TMEM64: variants seen among roughly 807,000 people sequenced by gnomAD.
TMEM64 encodes transmembrane protein 64.
TMEM64 carries 19 observed loss-of-function variants against 24.5 expected under a neutral mutation model. The observed-to-expected ratio is 0.78, with a 90% CI of 0.54 to 1.14. The LOEUF (loss-of-function observed/expected upper bound fraction) is 1.14, where lower values mean the gene tolerates loss of function less well. Ranked by LOEUF, TMEM64 falls within the 50% of genes most tolerant of loss-of-function variation. The pLI is 0.00. For missense variants in TMEM64, 487 were observed against 493.0 expected (o/e 0.99, Z 0.12); for synonymous variants, 262 against 224.7 (o/e 1.17, Z -1.49).
chr8:90,629,633 T>C (rs917460887), intron 2 of TMEM64, among the ~76,000 whole-genome samples: 7 of 152,110 alleles, frequency 4.6e-5, no homozygotes, highest in African/African-American at 1.7e-4. Context: ...ATATAATGCA[T>C]AGAAAGTTTA....
intron 1 of TMEM64, among the ~76,000 whole-genome samples, chr8:90,633,026 T>TG (rs1809463331): frequency 6.6e-6 from 1 of 152,212 alleles, no homozygotes; most frequent in African/African-American, 2.4e-5. Context: ...TTAACCTCTG[T>TG]GGTAGGCAAC....
intron 2 of TMEM64, among the ~76,000 whole-genome samples, chr8:90,630,257 T>C (rs1263902691): frequency 1.3e-5 from 2 of 152,228 alleles, no homozygotes; most frequent in African/African-American, 4.8e-5. Context: ...ATATTACTTA[T>C]AATACCTAAT....
Position 90,622,042 on chromosome 8 carries a change from G to C in TMEM64, c.*3629C>G, listed in dbSNP as rs977061139. The C allele has an allele frequency of 3.3e-5, 5 of 152,078 alleles. No homozygotes were observed. The highest frequency in any genetic ancestry group is 2.9e-5 in the Non-Finnish European group (2 of 68,014). 9.4% of individuals were successfully genotyped at this position (152,078 alleles called of 1,614,324 possible). A position where few individuals can be genotyped will look rare whatever the true frequency, so the allele number is the denominator to read the frequency against. On this transcript the variant is annotated 3_prime_UTR_variant, in exon 3 of 3. Transcript: ENST00000458549. Reference sequence around the variant, plus strand: ...TTTTCTCAGGCACACAAGTGATTTGGATACCAATTATCAAGACATTTTACT... The same window carrying C: ...TTTTCTCAGGCACACAAGTGATTTGCATACCAATTATCAAGACATTTTACT...
intron 1 of TMEM64, among the ~76,000 whole-genome samples, chr8:90,636,341 C>G (rs1189050383): frequency 6.6e-6 from 1 of 152,180 alleles, no homozygotes; most frequent in East Asian, 1.9e-4. Context: ...CTGCAACCTC[C>G]GCCTCCCAGG....
rs1331192583 is a variant in TMEM64 at position 90,623,027 on chromosome 8, A to G, written c.*2644T>C. ...TTTTTTTTAAAGGTGCTATTGTAAA[A>G]TAACCTACATGACAAAATTTGGCAA... On this transcript the variant is annotated 3_prime_UTR_variant, in exon 3 of 3. Transcript: ENST00000458549. 6.6e-6 allele frequency: 1 copy of G among 152,210 alleles called. No homozygotes were observed. Among genetic ancestry groups the G allele is most frequent in the African/African-American group, 2.4e-5 (1 of 41,474 alleles). 9.4% of individuals were successfully genotyped at this position (152,210 alleles called of 1,614,324 possible).
At chr8:90,636,638 C>G (rs1412580827) in intron 1 of TMEM64, among the ~76,000 whole-genome samples, 3 of 152,202 alleles carry the variant, frequency 2.0e-5, no homozygotes, top group Non-Finnish European at 4.4e-5. Flanking sequence ...ATTTGGAATA[C>G]TTGTTCCCAC....
intron 1 of TMEM64, among the ~76,000 whole-genome samples, chr8:90,641,588 T>C (rs561241757): frequency 5.9e-5 from 9 of 152,350 alleles, no homozygotes; most frequent in African/African-American, 1.9e-4. Flanking sequence ...CAGCTCTTCT[T>C]GGACCAACAC....
At chr8:90,640,330 A>C (rs1809586039) in intron 1 of TMEM64, among the ~76,000 whole-genome samples, 1 of 152,222 alleles carries the variant, frequency 6.6e-6, no homozygotes. Context: ...AATAAGAATT[A>C]AGAAAATAAG....
At chr8:90,633,015 A>G (rs934407686) in intron 1 of TMEM64, among the ~76,000 whole-genome samples, 1 of 152,228 alleles carries the variant, frequency 6.6e-6, no homozygotes, top group African/African-American at 2.4e-5. Context: ...TCTTTTGGAT[A>G]TTAACCTCTG....
chr8:90,631,716 GTAGAT>G lies in TMEM64; in HGVS notation c.796-14_796-10del. 3.1e-6 allele frequency: 5 copies of G among 1,604,528 alleles called. No homozygotes were observed. The Admixed American group carries it at 5.0e-5, about 16-fold the overall frequency. On this transcript the variant is annotated splice_polypyrimidine_tract_variant and intron_variant, in intron 1 of 2. Transcript: ENST00000458549. The stretch of plus-strand genomic sequence containing the variant: ...AATGAGAGATCAGTAATCTAGAAGA[GTAGAT>G]TAAAGGGAATGATTCATTACCAAGT...
In TMEM64 at chr8:90,624,325, A is replaced by G. The variant is rs1344236331; in HGVS notation, c.*1346T>C. ...AAAAGGCAAATGGGAGGTCTCTGAT[A>G]AGTTGGAATCATCATAGCAAAAAAA... is the stretch of plus-strand genomic sequence containing the variant. On this transcript the variant is annotated 3_prime_UTR_variant, in exon 3 of 3. Coordinates refer to ENST00000458549, the MANE Select transcript of TMEM64 (RefSeq NM_001008495.4). 6.6e-6 allele frequency: 1 copy of G among 152,184 alleles called. No individual in the cohort carries two copies. The highest frequency in any genetic ancestry group is 1.9e-4 in the East Asian group (1 of 5,184). The allele number at this position is 152,184 out of a possible 1,614,324, so 9.4% of individuals were successfully genotyped here.
At chr8:90,626,007 TAC>T (rs944726318) in intron 2 of TMEM64, 145 bp from the exon 3 acceptor site, 15 of 623,222 alleles carry the variant, frequency 2.4e-5, no homozygotes, top group African/African-American at 2.4e-4. Flanking sequence ...TTAAATAGTT[TAC>T]ACACAGTTAT....
At chr8:90,627,421 T>C (rs1018765435) in intron 2 of TMEM64, among the ~76,000 whole-genome samples, 1 of 137,960 alleles carries the variant, frequency 7.2e-6, no homozygotes, top group Non-Finnish European at 1.5e-5. Context: ...AAGTTTGCTA[T>C]GTATCAACAA....
chr8:90,644,977 G>T (rs908137146), intron 1 of TMEM64, 134 bp downstream of exon 1: 1 of 988,658 alleles, frequency 1.0e-6, no homozygotes. Context: ...GGCTGCGATG[G>T]AAAGTAATCG....
intron 2 of TMEM64, 36 bp downstream of exon 2, chr8:90,631,512 CAGAG>C (rs779840021): frequency 2.8e-6 from 4 of 1,442,348 alleles, no homozygotes; most frequent in Admixed American, 4.1e-5. Context: ...CAAAAAGAAA[CAGAG>C]AGAAAAAAAG....
At chr8:90,637,008 T>A (rs1371985992) in intron 1 of TMEM64, among the ~76,000 whole-genome samples, 2 of 152,208 alleles carry the variant, frequency 1.3e-5, no homozygotes, top group African/African-American at 4.8e-5. Flanking sequence ...TACAGTGATA[T>A]ACTTGGAGAT....
chr8:90,643,771 A>C, intron 1 of TMEM64, among the ~76,000 whole-genome samples: 1 of 152,252 alleles, frequency 6.6e-6, no homozygotes. Flanking sequence ...TATGAAAAAG[A>C]AATTTAAGAC....
chr8:90,625,586 A>T lies in TMEM64; in HGVS notation c.*85T>A. The T allele has an allele frequency of 8.9e-7, 1 of 1,125,106 alleles. No individual in the cohort carries two copies. The allele number at this position is 1,125,106 out of a possible 1,614,324, so 69.7% of individuals were successfully genotyped here. A position where few individuals can be genotyped will look rare whatever the true frequency, so the allele number is the denominator to read the frequency against. On this transcript the variant is annotated 3_prime_UTR_variant, in exon 3 of 3. Coordinates refer to ENST00000458549, the MANE Select transcript of TMEM64 (RefSeq NM_001008495.4). ...GTTTTGTTTGTGCTGTAATACAATT[A>T]GAACTTGTCTCTGCCCACTAGTGAA...
Position 90,645,325 on chromosome 8 carries a change from C to T in TMEM64, c.581G>A (p.Gly194Asp), listed in dbSNP as rs1343408935. 1 of 1,564,778 alleles carries T rather than the reference C, an allele frequency of 6.4e-7. No individual in the cohort carries two copies. The highest frequency in any genetic ancestry group is 2.4e-5 in the East Asian group (1 of 41,694). ...AAGYLYGFVL[G>D]MGLMMVGVLI... is the part of the protein sequence containing the mutation. The stretch of plus-strand genomic sequence containing the variant: ...GACGCCCACCATCATCAGACCCATG[C>T]CCAGCACGAAGCCGTACAGGTAGCC... Residue 194 changes from glycine to aspartate, a missense_variant, in exon 1 of 3, where the codon GGC becomes GAC. Transcript: ENST00000458549. This position sits in a 1 kb window ranked among gnomAD's most constrained non-coding sequence, Gnocchi z 4.2.
Sources: gnomAD v4.1 joint callset for allele counts (sites outside exome capture counted in the v4.1 genomes callset) on GRCh38, gnomAD v4.1.1 for gene constraint, Gnocchi (gnomAD v3.1) non-coding constraint, MANE v1.5 for transcripts, NCBI Gene and HGNC (gene_info 2026-07-23, HGNC 2026-07-21) for gene names.